The following COQ8A variants were observed in gnomAD, a reference collection of about 807,000 sequenced individuals.
COQ8A encodes the protein atypical kinase COQ8A, mitochondrial.
In COQ8A, 51 loss-of-function variants were observed where a neutral mutation model predicts 65.0. The observed-to-expected ratio is 0.78, with a 90% CI of 0.63 to 0.99. COQ8A has a LOEUF of 0.99. COQ8A is among the 50% of genes least tolerant of loss of function. The probability of loss-of-function intolerance (pLI) is 0.00; values close to 1 mark genes in which losing one functional copy is unlikely to be tolerated. For missense variants in COQ8A, 940 were observed against 875.0 expected, an observed-to-expected ratio of 1.07 and a Z score of -0.94; for synonymous variants, 371 against 353.2, an observed-to-expected ratio of 1.05 and a Z score of -0.57.
In COQ8A at chr1:226,965,541, G is replaced by A. The variant is rs116410904; in HGVS notation, c.589-130G>A. The stretch of plus-strand genomic sequence containing the variant: ...TTTAGGAGCGTGGTGGCCTTCTCTT[G>A]GTGGAGTGTGCTGTCAGGCGGAGCT... On this transcript the variant is annotated intron_variant, in intron 3 of 14. Transcript: ENST00000366777. 1.7e-3 allele frequency: 2,538 copies of A among 1,498,190 alleles called. 44 individuals are homozygous for A. The African/African-American group carries it at 0.031, about 18-fold the overall frequency. The allele number at this position is 1,498,190 out of a possible 1,614,324, so 92.8% of individuals were successfully genotyped here.
At position 226,986,499 on chromosome 1, in the gene COQ8A, C is replaced by A. The variant is rs765235707; in HGVS notation, c.1706C>A (p.Ala569Asp). Reference protein sequence around the residue: ...HLDAILILGEAFASDEPFDFG... With the variant: ...HLDAILILGEDFASDEPFDFG... ...GATGCCATCCTCATCCTGGGGGAGGCCTTCGCCTCTGATGAGCCTTTTGAT... is the reference window on the plus strand; with the variant it reads ...GATGCCATCCTCATCCTGGGGGAGGACTTCGCCTCTGATGAGCCTTTTGAT... Residue 569 changes from alanine to aspartate, a missense_variant, in exon 15 of 15, where the codon GCC becomes GAC. Transcript: ENST00000366777. 8 of 1,613,468 alleles carry A rather than the reference C, an allele frequency of 5.0e-6. No individual in the cohort carries two copies. Among genetic ancestry groups the A allele is most frequent in the Non-Finnish European group, 5.1e-6 (6 of 1,180,026 alleles).
At chr1:226,956,630 A>T (rs1403329049) in intron 1 of COQ8A, among the ~76,000 whole-genome samples, 1 of 63,160 alleles carries the variant, frequency 1.6e-5, no homozygotes, top group Non-Finnish European at 3.1e-5. Context: ...TCCCTGGTTC[A>T]CACTCTCCCT....
intron 1 of COQ8A, among the ~76,000 whole-genome samples, chr1:226,953,089 G>A (rs981121500): frequency 6.6e-6 from 1 of 152,288 alleles, no homozygotes; most frequent in Admixed American, 6.5e-5. Flanking sequence ...GAGTGCAGTG[G>A]CATGATCTTG....
At chr1:226,944,502 G>A (rs1656878517) in intron 1 of COQ8A, among the ~76,000 whole-genome samples, 1 of 151,904 alleles carries the variant, frequency 6.6e-6, no homozygotes, top group South Asian at 2.1e-4. Flanking sequence ...GAGGAGATTG[G>A]ACAGAGGCAG....
Position 226,983,008 on chromosome 1 carries a change from G to A in COQ8A, c.1054G>A (p.Gly352Ser), listed in dbSNP as rs536852535. 26 of 1,593,570 alleles carry A rather than the reference G, an allele frequency of 1.6e-5. No homozygotes were observed. The highest frequency in any genetic ancestry group is 5.4e-5 in the African/African-American group (4 of 74,552). The change falls in exon 8 of 15, where the codon GGC (glycine) becomes AGC (serine). Residue 352 changes from glycine (G) to serine (S), a missense_variant. By Grantham distance (56) the Gly-to-Ser change is moderately conservative. Transcript: ENST00000366777. ...GQVHLARMKG[G>S]REVAMKIQYP... Reference sequence around the variant, plus strand: ...GGTGCACTTGGCCCGAATGAAGGGCGGCCGCGAGGTGGCCATGAAGATCCA... The same window carrying A: ...GGTGCACTTGGCCCGAATGAAGGGCAGCCGCGAGGTGGCCATGAAGATCCA...
intron 1 of COQ8A, among the ~76,000 whole-genome samples, chr1:226,960,348 G>GTACT (rs1572037935): frequency 6.7e-6 from 1 of 148,192 alleles, no homozygotes; most frequent in Admixed American, 6.7e-5. Context: ...CTTGGTGGTG[G>GTACT]TGGTGGTGGT....
intron 1 of COQ8A, among the ~76,000 whole-genome samples, chr1:226,941,775 A>C (rs80041230): frequency 4.7e-5 from 6 of 128,860 alleles, no homozygotes; most frequent in South Asian, 2.4e-4. Flanking sequence ...ACTCAATCTC[A>C]AAAAAAAAAA....
chr1:226,986,261 A>G (rs571727938), intron 14 of COQ8A, among the ~76,000 whole-genome samples, 192 bp from the exon 15 acceptor site: 2 of 152,280 alleles, frequency 1.3e-5, no homozygotes, highest in East Asian at 1.9e-4. Flanking sequence ...TTTGTATCAC[A>G]TCAGCCCAGT....
intron 5 of COQ8A, among the ~76,000 whole-genome samples, chr1:226,979,119 G>C (rs1438811706): frequency 6.6e-6 from 1 of 152,272 alleles, no homozygotes; most frequent in Non-Finnish European, 1.5e-5. Flanking sequence ...GGAGGCTGTA[G>C]TCTATGCAGA....
intron 5 of COQ8A, among the ~76,000 whole-genome samples, chr1:226,977,946 AC>A (rs1199983275): frequency 7.9e-6 from 1 of 127,212 alleles, no homozygotes; most frequent in Non-Finnish European, 1.6e-5. Flanking sequence ...CCCACCAAAC[AC>A]CCGCACCTTA....
rs1311583684 is a variant in COQ8A, at chr1:226,949,785, T to G, written c.-10+9386T>G. On this transcript the variant is annotated intron_variant, in intron 1 of 14. Transcript: ENST00000366777. This position sits in a 1 kb window ranked among gnomAD's most constrained non-coding sequence, Gnocchi z 4.0. ...TAATAATAATGGCATTAGCTAATGG[T>G]TTTTAAGCACCTACTATATGTCCTG... Among the ~76,000 whole-genome samples the G allele has an allele frequency of 1.3e-5, 2 of 152,132 alleles. No homozygotes were observed. Among genetic ancestry groups the G allele is most frequent in the Non-Finnish European group, 2.9e-5 (2 of 68,014 alleles).
At chr1:226,970,194 C>G (rs1007407277) in intron 4 of COQ8A, among the ~76,000 whole-genome samples, 2 of 152,226 alleles carry the variant, frequency 1.3e-5, no homozygotes, top group Non-Finnish European at 2.9e-5. Flanking sequence ...CTCAAGTGAT[C>G]CACCTGCCTC....
At position 226,965,305 on chromosome 1, in the gene COQ8A, G is replaced by A. The variant is rs1441351066; in HGVS notation, c.483G>A (p.Arg161=). 6.2e-7 allele frequency: 1 copy of A among 1,613,908 alleles called. No individual in the cohort carries two copies. Residue 161 remains arginine (R), a synonymous_variant, in exon 3 of 15, where the codon AGG becomes AGA. Coordinates refer to ENST00000366777, the MANE Select transcript of COQ8A (RefSeq NM_020247.5). ...TCTCTGCCATGGGCTTTCAGCGAAG[G>A]TTCTTCCACCAGGACCAATCCCCTG... is the stretch of plus-strand genomic sequence containing the variant. The part of the protein sequence containing the change: ...DSFSAMGFQR[R]FFHQDQSPVG...
At chr1:226,954,965 G>T (rs1436446563) in intron 1 of COQ8A, among the ~76,000 whole-genome samples, 1 of 152,144 alleles carries the variant, frequency 6.6e-6, no homozygotes. Flanking sequence ...GCTGAGATCC[G>T]GGAGGAGGAG....
At chr1:226,960,495 T>C (rs1322985742) in intron 1 of COQ8A, among the ~76,000 whole-genome samples, 10 of 151,150 alleles carry the variant, frequency 6.6e-5, no homozygotes, top group Non-Finnish European at 1.0e-4. Context: ...TTGGTGGTGG[T>C]GGTGGTGCTT....
intron 1 of COQ8A, among the ~76,000 whole-genome samples, chr1:226,960,551 G>C (rs1658177532): frequency 7.4e-6 from 1 of 135,404 alleles, no homozygotes; most frequent in African/African-American, 2.8e-5. Flanking sequence ...CTTGGTGGTG[G>C]TGTCAATGGT....
chr1:226,957,433 A>G (rs1031954336), intron 1 of COQ8A, among the ~76,000 whole-genome samples: 2 of 152,176 alleles, frequency 1.3e-5, no homozygotes, highest in African/African-American at 4.8e-5. Context: ...TGGCTTTTAG[A>G]ACAGACACCA....
At chr1:226,978,555 CCCCCACAGCCACA>C (rs1659446337) in intron 5 of COQ8A, among the ~76,000 whole-genome samples, 2 of 81,958 alleles carry the variant, frequency 2.4e-5, no homozygotes, top group Non-Finnish European at 3.7e-5. Flanking sequence ...CTCCACACAC[CCCCCACAGCCACA>C]CACCACCTTA....
intron 1 of COQ8A, among the ~76,000 whole-genome samples, chr1:226,950,980 C>T (rs1267747417): frequency 6.6e-6 from 1 of 152,208 alleles, no homozygotes; most frequent in East Asian, 1.9e-4. Flanking sequence ...CTGGGACATC[C>T]AGAGGCTGTG....
Sources: allele counts gnomAD v4.1 joint callset (sites outside exome capture counted in the v4.1 genomes callset), GRCh38; gene constraint gnomAD v4.1.1; non-coding constraint Gnocchi (gnomAD v3.1); transcripts MANE v1.5; gene names NCBI Gene and HGNC (gene_info 2026-07-23, HGNC 2026-07-21).